GRM8: variants seen among roughly 807,000 people sequenced by gnomAD.
GRM8 encodes the protein glutamate metabotropic receptor 8, also known as metabotropic glutamate receptor 8.
GRM8 carries 47 observed loss-of-function variants against 87.2 expected under a neutral mutation model. The observed-to-expected ratio is 0.54, with a 90% CI of 0.43 to 0.69. GRM8 has a LOEUF of 0.69. GRM8 is among the 30% of genes least tolerant of loss of function. The pLI, the probability that GRM8 is intolerant of heterozygous loss-of-function variation, is 0.00. For missense variants in GRM8, 1,019 were observed against 1,139.2 expected (o/e 0.89, Z 1.52); for synonymous variants, 396 against 404.5 (o/e 0.98, Z 0.25).
chr7:126,753,193 T>C (rs1394386937), intron 7 of GRM8, among the ~76,000 whole-genome samples: 1 of 151,986 alleles, frequency 6.6e-6, no homozygotes, highest in Non-Finnish European at 1.5e-5. Flanking sequence ...GTCTTAAATA[T>C]AGTGAAGCAT....
At chr7:126,742,355 A>C (rs999836845) in intron 7 of GRM8, among the ~76,000 whole-genome samples, 10 of 152,100 alleles carry the variant, frequency 6.6e-5, no homozygotes, top group Non-Finnish European at 1.5e-5. Context: ...GAGAGGCTGA[A>C]AAGGCAAGGG....
At chr7:127,249,581 T>C (rs1225537858) in intron 1 of GRM8, among the ~76,000 whole-genome samples, 2 of 152,162 alleles carry the variant, frequency 1.3e-5, no homozygotes, top group Non-Finnish European at 2.9e-5. Flanking sequence ...GACAATATTA[T>C]GCTCAGCGTC....
At chr7:126,680,695 A>G (rs1272238694) in intron 7 of GRM8, among the ~76,000 whole-genome samples, 1 of 152,226 alleles carries the variant, frequency 6.6e-6, no homozygotes, top group Non-Finnish European at 1.5e-5. Context: ...GCCCTGGTGC[A>G]CTGCTGACTA....
At chr7:126,972,829 G>C (rs1321086139) in intron 3 of GRM8, among the ~76,000 whole-genome samples, 1 of 152,176 alleles carries the variant, frequency 6.6e-6, no homozygotes, top group Non-Finnish European at 1.5e-5. Flanking sequence ...TAAGTGCTTT[G>C]ACTATGCTCA....
At chr7:127,216,610 C>T (rs771175651) in intron 2 of GRM8, among the ~76,000 whole-genome samples, 11 of 151,886 alleles carry the variant, frequency 7.2e-5, no homozygotes, top group Non-Finnish European at 1.3e-4. Context: ...CCCCACTATG[C>T]CATTTCCCTG....
At chr7:126,581,810 A>T (rs1164219150) in intron 8 of GRM8, among the ~76,000 whole-genome samples, 1 of 151,912 alleles carries the variant, frequency 6.6e-6, no homozygotes, top group Admixed American at 6.6e-5. Flanking sequence ...GTGGTCCGTG[A>T]TCTGTTTTGT....
At chr7:126,649,009 CTA>C (rs1803487866) in intron 7 of GRM8, among the ~76,000 whole-genome samples, 1 of 152,156 alleles carries the variant, frequency 6.6e-6, no homozygotes, top group South Asian at 2.1e-4. Flanking sequence ...CTTTTAGAAG[CTA>C]TGTTAGCTTG....
chr7:126,534,014 C>G (rs1815280836), intron 8 of GRM8, 127 bp from the exon 9 acceptor site: 1 of 712,918 alleles, frequency 1.4e-6, no homozygotes. Context: ...TAATAAGAGT[C>G]TCGTTTTTTT....
chr7:126,636,133 T>C (rs986923953), intron 7 of GRM8, among the ~76,000 whole-genome samples: 1 of 152,196 alleles, frequency 6.6e-6, no homozygotes, highest in Non-Finnish European at 1.5e-5. Flanking sequence ...TTATGCATTC[T>C]GATTTAAATG....
At chr7:126,577,443 T>C (rs1795216686) in intron 8 of GRM8, among the ~76,000 whole-genome samples, 1 of 152,084 alleles carries the variant, frequency 6.6e-6, no homozygotes, top group Non-Finnish European at 1.5e-5. Context: ...AGTAACAAAA[T>C]TTCCCTCTAA....
At chr7:126,817,680 G>A in intron 6 of GRM8, among the ~76,000 whole-genome samples, 1 of 152,090 alleles carries the variant, frequency 6.6e-6, no homozygotes, top group East Asian at 1.9e-4. Flanking sequence ...GCTATCATCA[G>A]TTTTGAGCAA....
intron 3 of GRM8, among the ~76,000 whole-genome samples, chr7:127,102,771 G>A (rs1244426748): frequency 6.6e-6 from 1 of 152,204 alleles, no homozygotes; most frequent in Admixed American, 6.5e-5. Context: ...CTCTACAAGG[G>A]CAGTGTCAGG....
intron 2 of GRM8, among the ~76,000 whole-genome samples, chr7:127,238,933 A>G (rs757048899): frequency 2.0e-5 from 3 of 152,178 alleles, no homozygotes; most frequent in Non-Finnish European, 4.4e-5. Context: ...TAATTCCACA[A>G]TTAGTGATCC....
chr7:126,445,538 AAAG>A (rs1231235072), intron 10 of GRM8: 1 of 152,346 alleles, frequency 6.6e-6, no homozygotes, highest in East Asian at 1.9e-4. Context: ...TGAGGCTTTT[AAAG>A]AAGAACTTTA....
Position 127,250,326 on chromosome 7 carries a change from T to C in GRM8, c.-312+2471A>G, listed in dbSNP as rs545897918. On this transcript the variant is annotated intron_variant, in intron 1 of 10. Coordinates refer to ENST00000339582, the MANE Select transcript of GRM8 (RefSeq NM_000845.3). The stretch of plus-strand genomic sequence containing the variant: ...TATTCCTTTTGGATGTAGATGTTTT[T>C]AGAATTATTCAAGCAGCCATAACTT... Among the ~76,000 whole-genome samples, 24 of 152,340 alleles carry C rather than the reference T, an allele frequency of 1.6e-4. No individual in the cohort carries two copies. The South Asian group carries it at 5.0e-3, about 32-fold the overall frequency.
intron 6 of GRM8, 61 bp downstream of exon 6, chr7:126,902,481 C>G (rs1239128540): frequency 1.5e-6 from 2 of 1,331,038 alleles, no homozygotes; most frequent in East Asian, 4.9e-5. Flanking sequence ...CGTAATTTAT[C>G]AAGTAATGAA....
chr7:126,821,365 C>T (rs759420129), intron 6 of GRM8, among the ~76,000 whole-genome samples: 4 of 152,118 alleles, frequency 2.6e-5, no homozygotes, highest in African/African-American at 7.2e-5. Flanking sequence ...CCTCAAAATC[C>T]GAGCTCTACC....
rs774959109 is a variant in GRM8 at position 126,836,843 on chromosome 7, A to G, written c.1156+65699T>C. Reference sequence around the variant, plus strand: ...TAGACCATAAGATTTCTGAAGTCTTATACATGGTAACTAGCACGTAGTACA... The same window carrying G: ...TAGACCATAAGATTTCTGAAGTCTTGTACATGGTAACTAGCACGTAGTACA... On this transcript the variant is annotated intron_variant, in intron 6 of 10. Coordinates refer to ENST00000339582, the MANE Select transcript of GRM8 (RefSeq NM_000845.3). 2.5e-4 allele frequency among the ~76,000 whole-genome samples: 38 copies of G among 152,214 alleles called. 1 individual carries two copies. Among genetic ancestry groups the G allele is most frequent in the Non-Finnish European group, 5.3e-4 (36 of 68,038 alleles).
In GRM8 at chr7:126,614,269, T is replaced by C. The variant is rs142396879; in HGVS notation, c.1358-4771A>G. 2.3e-4 allele frequency among the ~76,000 whole-genome samples: 35 copies of C among 152,166 alleles called. No homozygotes were observed. The East Asian group carries it at 6.0e-3, about 26-fold the overall frequency. On this transcript the variant is annotated intron_variant, in intron 7 of 10. Coordinates refer to ENST00000339582, the MANE Select transcript of GRM8 (RefSeq NM_000845.3). ...ACTGCTGATACCCAAGCAAACAGGG[T>C]CTGGAGTGGACCTCCAGCAAACTCC...
Sources: gnomAD v4.1 joint callset for allele counts (sites outside exome capture counted in the v4.1 genomes callset) on GRCh38, gnomAD v4.1.1 for gene constraint, MANE v1.5 for transcripts, NCBI Gene and HGNC (gene_info 2026-07-23, HGNC 2026-07-21) for gene names.